RBFOX1: variants seen among roughly 807,000 people sequenced by gnomAD.
RBFOX1 encodes the protein RNA binding fox-1 homolog 1.
In RBFOX1, 8 loss-of-function variants were observed where a neutral mutation model predicts 57.7. The ratio of observed to expected loss-of-function variants is 0.14; its 90% CI spans 0.08 to 0.25. The LOEUF is 0.25. Among genes scored for constraint, RBFOX1 ranks in the 10% least tolerant of loss-of-function variants. RBFOX1 has a pLI of 1.00. For missense variants in RBFOX1, 611 were observed against 548.5 expected (o/e 1.11, Z -1.14); for synonymous variants, 326 against 222.4 (o/e 1.47, Z -4.15).
intron 3 of RBFOX1, among the ~76,000 whole-genome samples, chr16:6,741,359 A>C (rs538584769): frequency 6.6e-6 from 1 of 152,244 alleles, no homozygotes; most frequent in East Asian, 1.9e-4. Flanking sequence ...AAAAAATGAT[A>C]AATTAGACTT....
At chr16:7,409,222 T>C (rs774685116) in intron 4 of RBFOX1, among the ~76,000 whole-genome samples, 6 of 152,222 alleles carry the variant, frequency 3.9e-5, no homozygotes, top group Non-Finnish European at 8.8e-5. Flanking sequence ...ATCTCTCTGA[T>C]GTGGTCTTAT....
At chr16:6,633,108 C>T (rs1001038204) in intron 2 of RBFOX1, among the ~76,000 whole-genome samples, 1 of 152,146 alleles carries the variant, frequency 6.6e-6, no homozygotes, top group Non-Finnish European at 1.5e-5. Context: ...AAAGTTGCAG[C>T]GATTGTGCCC....
rs2064413599 is a variant in RBFOX1 at position 5,321,700 on chromosome 16, C to T, written c.219+81595C>T. 2.6e-5 allele frequency among the ~76,000 whole-genome samples: 4 copies of T among 152,190 alleles called. 1 individual carries two copies. In the South Asian group the frequency reaches 8.3e-4, roughly 32 times the overall value. ...GGAAGTGGTGGTGGCCGTCATGGTC[C>T]ATCTTCCTCCTTCCACACCTGGGGC... is the stretch of plus-strand genomic sequence containing the variant. On this transcript the variant is annotated intron_variant, in intron 1 of 2. Coordinates refer to the RBFOX1 transcript ENST00000585867.
intron 2 of RBFOX1, among the ~76,000 whole-genome samples, chr16:6,598,308 T>C (rs553274578): frequency 6.6e-6 from 1 of 152,348 alleles, no homozygotes; most frequent in African/African-American, 2.4e-5. Flanking sequence ...ATTTACTCTT[T>C]TAAAAGACTG....
intron 3 of RBFOX1, among the ~76,000 whole-genome samples, chr16:7,039,666 C>T (rs1274110368): frequency 6.6e-6 from 1 of 152,160 alleles, no homozygotes; most frequent in Non-Finnish European, 1.5e-5. Context: ...CATAAACTAT[C>T]CTGTCTTCTT....
chr16:7,408,013 T>C (rs2148997744), intron 4 of RBFOX1, among the ~76,000 whole-genome samples: 1 of 152,338 alleles, frequency 6.6e-6, no homozygotes, highest in South Asian at 2.1e-4. Context: ...ATTCCGTGGC[T>C]CTTTACAGAA....
intron 1 of RBFOX1, among the ~76,000 whole-genome samples, chr16:6,211,084 A>G (rs1162783294): frequency 6.6e-6 from 1 of 151,436 alleles, no homozygotes; most frequent in East Asian, 1.9e-4. Context: ...AACATCAAGA[A>G]AGATCTTAGA....
intron 10 of RBFOX1, among the ~76,000 whole-genome samples, chr16:7,612,349 A>G (rs1276415782): frequency 1.4e-5 from 2 of 144,980 alleles, no homozygotes; most frequent in Admixed American, 7.0e-5. Context: ...AAAAAAAAAA[A>G]GACAAATGAT....
In RBFOX1 at chr16:6,793,357, C is replaced by G. The variant is rs561919456; in HGVS notation, c.-16+138707C>G. Among the ~76,000 whole-genome samples, 3 of 152,030 alleles carry G rather than the reference C, an allele frequency of 2.0e-5. No individual in the cohort carries two copies. The South Asian group carries it at 6.3e-4, about 32-fold the overall frequency. Reference sequence around the variant, plus strand: ...AGTTTTTTTTCCAAAATATGATTTTCTTCCATTGAGATTGATTGGACTCTA... The same window carrying G: ...AGTTTTTTTTCCAAAATATGATTTTGTTCCATTGAGATTGATTGGACTCTA... On this transcript the variant is annotated intron_variant, in intron 3 of 15. Coordinates refer to ENST00000550418, the MANE Select transcript of RBFOX1 (RefSeq NM_018723.4).
At chr16:5,728,101 C>T (rs554572795) in intron 3 of RBFOX1, among the ~76,000 whole-genome samples, 22 of 152,308 alleles carry the variant, frequency 1.4e-4, no homozygotes, top group African/African-American at 5.1e-4. Flanking sequence ...ATCCCACTTA[C>T]GAGTGGACAT....
At chr16:5,547,126 G>C (rs539553358) in intron 2 of RBFOX1, among the ~76,000 whole-genome samples, 1 of 152,136 alleles carries the variant, frequency 6.6e-6, no homozygotes, top group Admixed American at 6.5e-5. Context: ...ATGAAGAGAA[G>C]CTGGAACTCT....
At chr16:7,272,093 G>A (rs370757369) in intron 4 of RBFOX1, among the ~76,000 whole-genome samples, 12 of 152,282 alleles carry the variant, frequency 7.9e-5, no homozygotes, top group East Asian at 3.9e-4. Context: ...CATTGTCGGC[G>A]TTTGTAAGAC....
chr16:5,731,728 A>G (rs1350359226), intron 3 of RBFOX1, among the ~76,000 whole-genome samples: 1 of 152,194 alleles, frequency 6.6e-6, no homozygotes, highest in Non-Finnish European at 1.5e-5. Context: ...TGCAAGAAGA[A>G]ATGTGGGTAG....
intron 3 of RBFOX1, among the ~76,000 whole-genome samples, chr16:5,848,853 G>A (rs1296262445): frequency 6.6e-6 from 1 of 152,100 alleles, no homozygotes; most frequent in Non-Finnish European, 1.5e-5. Context: ...GGAGGCTGAG[G>A]CAGGAGAATC....
chr16:5,908,696 T>G (rs912160328), intron 4 of RBFOX1, among the ~76,000 whole-genome samples: 1 of 152,028 alleles, frequency 6.6e-6, no homozygotes, highest in African/African-American at 2.4e-5. Context: ...AGACTCTTAG[T>G]TTCAATTCGA....
At chr16:6,026,993 A>C (rs143255587) in intron 1 of RBFOX1, among the ~76,000 whole-genome samples, 1 of 152,328 alleles carries the variant, frequency 6.6e-6, no homozygotes, top group African/African-American at 2.4e-5. Context: ...CTGAGAACAA[A>C]ATTAGATCTT....
At chr16:7,211,762 G>C (rs1175576722) in intron 4 of RBFOX1, among the ~76,000 whole-genome samples, 1 of 152,144 alleles carries the variant, frequency 6.6e-6, no homozygotes, top group Non-Finnish European at 1.5e-5. Context: ...GGAGGACTCG[G>C]GGGGATTCAA....
intron 3 of RBFOX1, among the ~76,000 whole-genome samples, chr16:5,771,022 A>G (rs1262949218): frequency 6.6e-6 from 1 of 152,174 alleles, no homozygotes; most frequent in Non-Finnish European, 1.5e-5. Context: ...TGTTGGCATC[A>G]TGGAGTCTCC....
intron 3 of RBFOX1, among the ~76,000 whole-genome samples, chr16:7,039,594 T>C (rs60385830): frequency 0.094 from 14,327 of 152,180 alleles, 1,111 homozygotes; most frequent in East Asian, 0.32. Context: ...CTTTTGTTCT[T>C]CCTTGTGACA....
Sources: gnomAD v4.1 joint callset for allele counts (sites outside exome capture counted in the v4.1 genomes callset) on GRCh38, gnomAD v4.1.1 for gene constraint, MANE v1.5 for transcripts, NCBI Gene and HGNC (gene_info 2026-07-23, HGNC 2026-07-21) for gene names.